Variants in UBAC2 observed in about 807,000 individuals in gnomAD.
UBAC2 encodes UBA domain containing 2.
In UBAC2, 26 loss-of-function variants were observed where a neutral mutation model predicts 44.0. That is an observed-to-expected ratio of 0.59 (90% CI 0.43 to 0.82). The LOEUF (loss-of-function observed/expected upper bound fraction) is 0.82. Among genes scored for constraint, UBAC2 ranks in the 40% least tolerant of loss-of-function variants. UBAC2 has a pLI of 0.00. For missense variants in UBAC2, 329 were observed against 419.4 expected (o/e 0.78, Z 1.88); for synonymous variants, 155 against 154.3 (o/e 1.00, Z -0.04).
chr13:99,287,899 C>T (rs924921569), intron 4 of UBAC2, among the ~76,000 whole-genome samples: 2 of 152,122 alleles, frequency 1.3e-5, no homozygotes, highest in Admixed American at 6.6e-5. Flanking sequence ...CTTGCATATA[C>T]TTTCATTACT....
chr13:99,289,508 A>T (rs2044062702), intron 4 of UBAC2, among the ~76,000 whole-genome samples: 1 of 152,256 alleles, frequency 6.6e-6, no homozygotes, highest in African/African-American at 2.4e-5. Context: ...AACTATTCTC[A>T]ATCCCTGAGC....
intron 8 of UBAC2, 129 bp downstream of exon 8, chr13:99,368,035 C>T: frequency 8.4e-7 from 1 of 1,194,554 alleles, no homozygotes; most frequent in East Asian, 2.4e-5. Context: ...CCATCTGCCA[C>T]CATGATAGAG....
intron 8 of UBAC2, among the ~76,000 whole-genome samples, chr13:99,382,955 C>T (rs576724334): frequency 2.0e-4 from 30 of 152,254 alleles, no homozygotes; most frequent in Non-Finnish European, 3.5e-4. Flanking sequence ...CTGTCACACC[C>T]GCAAAGTGCT....
intron 1 of UBAC2, chr13:99,201,610 T>C: frequency 1.9e-6 from 3 of 1,607,306 alleles, no homozygotes; most frequent in Non-Finnish European, 2.6e-6. Context: ...ACGGCTTTTC[T>C]CACTGAGTGT....
At chr13:99,269,965 C>A (rs1466124203) in intron 4 of UBAC2, among the ~76,000 whole-genome samples, 1 of 152,154 alleles carries the variant, frequency 6.6e-6, no homozygotes, top group Non-Finnish European at 1.5e-5. Context: ...CAGTTTGATA[C>A]CCTGTGACTA....
intron 4 of UBAC2, among the ~76,000 whole-genome samples, chr13:99,259,763 G>A (rs139363944): frequency 6.6e-6 from 1 of 152,288 alleles, no homozygotes; most frequent in African/African-American, 2.4e-5. Flanking sequence ...TATTCACATA[G>A]CTTAGGACTT....
At chr13:99,303,113 C>T (rs547770368) in intron 4 of UBAC2, among the ~76,000 whole-genome samples, 6 of 152,302 alleles carry the variant, frequency 3.9e-5, no homozygotes, top group African/African-American at 1.2e-4. Context: ...CTGCCAACCC[C>T]ATTGCATATC....
At chr13:99,259,119 G>A (rs1026837431) in intron 4 of UBAC2, among the ~76,000 whole-genome samples, 3 of 152,080 alleles carry the variant, frequency 2.0e-5, no homozygotes, top group Admixed American at 6.5e-5. Context: ...ACCTAAGAAG[G>A]GAAATGAAAC....
intron 7 of UBAC2, chr13:99,351,581 C>A (rs905391276): frequency 6.6e-6 from 3 of 456,584 alleles, no homozygotes; most frequent in Non-Finnish European, 1.3e-5. Context: ...TAGTTCTGGT[C>A]ATCTGTTATT....
chr13:99,252,675 C>T (rs564648476), intron 4 of UBAC2, among the ~76,000 whole-genome samples: 4 of 152,196 alleles, frequency 2.6e-5, no homozygotes, highest in South Asian at 2.1e-4. Flanking sequence ...GATGTTACAT[C>T]GTTTTCCAGA....
intron 6 of UBAC2, among the ~76,000 whole-genome samples, chr13:99,332,906 G>A (rs998816875): frequency 6.6e-6 from 1 of 151,642 alleles, no homozygotes; most frequent in African/African-American, 2.4e-5. Flanking sequence ...TTTTCAGAGG[G>A]TCTATGGATT....
At chr13:99,368,459 A>G (rs1442105515) in intron 8 of UBAC2, among the ~76,000 whole-genome samples, 5 of 152,362 alleles carry the variant, frequency 3.3e-5, no homozygotes, top group South Asian at 2.1e-4. Context: ...TGAAGAAACA[A>G]AAAGAACTGC....
chr13:99,378,517 A>T (rs2045510596), intron 8 of UBAC2, among the ~76,000 whole-genome samples: 1 of 152,114 alleles, frequency 6.6e-6, no homozygotes, highest in African/African-American at 2.4e-5. Context: ...ACTGAGCAAG[A>T]CTCTGTCTCA....
At chr13:99,286,239 C>G (rs1473755332) in intron 4 of UBAC2, among the ~76,000 whole-genome samples, 1 of 152,186 alleles carries the variant, frequency 6.6e-6, no homozygotes, top group African/African-American at 2.4e-5. Context: ...AAGAATGTAA[C>G]ATTTATATTT....
intron 8 of UBAC2, among the ~76,000 whole-genome samples, chr13:99,371,318 T>C (rs1435490383): frequency 6.6e-6 from 1 of 152,210 alleles, no homozygotes; most frequent in East Asian, 1.9e-4. Flanking sequence ...ACATACACTT[T>C]CTTATACATT....
intron 1 of UBAC2, among the ~76,000 whole-genome samples, chr13:99,229,227 A>G (rs2043146379): frequency 6.6e-6 from 1 of 152,246 alleles, no homozygotes; most frequent in Non-Finnish European, 1.5e-5. Context: ...GTGGGGGAAA[A>G]GCCCTTCAGG....
rs1566509471 is a variant in UBAC2 at position 99,338,039 on chromosome 13, C to CTTTTTTCTTTTTTTTT, written c.562-2275_562-2274insCTTTTTTTTTTTTTTT. Among the ~76,000 whole-genome samples the CTTTTTTCTTTTTTTTT allele has an allele frequency of 6.0e-4, 55 of 91,546 alleles. 2 individuals are homozygous for CTTTTTTCTTTTTTTTT. The highest frequency in any genetic ancestry group is 1.1e-3 in the African/African-American group (21 of 19,850). 60.1% of individuals were successfully genotyped at this position (91,546 alleles called of 152,430 possible). A position where few individuals can be genotyped will look rare whatever the true frequency, so the allele number is the denominator to read the frequency against. On this transcript the variant is annotated intron_variant, in intron 6 of 8. Transcript: ENST00000403766. ...GCAAAAAAATCTCCTAACTTTTTTT[C>CTTTTTTCTTTTTTTTT]TTTTTTTCTTTTTTTTTTTTTTTTT...
At chr13:99,214,518 C>G (rs1042086109) in intron 1 of UBAC2, among the ~76,000 whole-genome samples, 4 of 152,160 alleles carry the variant, frequency 2.6e-5, no homozygotes, top group South Asian at 2.1e-4. Context: ...GTGGGGGAAG[C>G]AGGACTGTGA....
At chr13:99,351,872 T>C (rs768372702) in intron 7 of UBAC2, 1 of 410,488 alleles carries the variant, frequency 2.4e-6, no homozygotes, top group African/African-American at 2.1e-5. Flanking sequence ...ATCACCTCTG[T>C]GTTTTGCCTG....
Sources: allele counts gnomAD v4.1 joint callset (sites outside exome capture counted in the v4.1 genomes callset), GRCh38; gene constraint gnomAD v4.1.1; transcripts MANE v1.5; gene names NCBI Gene and HGNC (gene_info 2026-07-23, HGNC 2026-07-21).